Variants in MACF1 observed in about 807,000 individuals in gnomAD.
MACF1 encodes microtubule-actin cross-linking factor 1.
MACF1 carries 193 observed loss-of-function variants against 854.8 expected under a neutral mutation model. That is an observed-to-expected ratio of 0.23 (90% CI 0.20 to 0.25). The LOEUF is 0.25. Ranked by LOEUF, MACF1 falls within the 10% of genes least tolerant of loss-of-function variation. The pLI is 1.00. For missense variants in MACF1, 7,722 were observed against 8,929.1 expected (o/e 0.86, Z 5.45); for synonymous variants, 3,185 against 3,226.7 (o/e 0.99, Z 0.44).
At position 39,388,569 on chromosome 1, in the gene MACF1, G is replaced by A. The variant is rs757714517; in HGVS notation, c.15727G>A (p.Ala5243Thr). The A allele has an allele frequency of 1.9e-5, 30 of 1,613,976 alleles. No individual in the cohort carries two copies. The South Asian group carries it at 2.2e-4, about 12-fold the overall frequency. Residue 5243 changes from alanine to threonine, a missense_variant, in exon 58 of 101, where the codon GCG becomes ACG. Ala to Thr is a moderately conservative substitution (Grantham distance 58). Around this residue, in one of 15 missense-constraint regions of MACF1, gnomAD observed 2,807 missense variants for 3,235.8 expected, o/e 0.87. Transcript: ENST00000564288. The stretch of plus-strand genomic sequence containing the variant: ...CAGGAAATTGAAAGGACTCAATGAC[G>A]CGACCACAGCAGCAGAGGAGGCAGA... ...FYRKLKGLND[A>T]TTAAEEAEAL...
intron 2 of MACF1, among the ~76,000 whole-genome samples, chr1:39,175,548 T>C (rs1209826146): frequency 6.6e-6 from 1 of 152,226 alleles, no homozygotes; most frequent in African/African-American, 2.4e-5. Context: ...ACTTTTGTAC[T>C]GTTTATTTTT....
chr1:39,366,735 T>C (rs598415), intron 49 of MACF1, among the ~76,000 whole-genome samples: 51,131 of 148,460 alleles, frequency 0.34, 9,370 homozygotes, highest in African/African-American at 0.47. Flanking sequence ...TGCTCTGTTA[T>C]CCAGGCTGGA....
chr1:39,411,113 G>A (rs760624056), intron 58 of MACF1: 1 of 1,613,544 alleles, frequency 6.2e-7, no homozygotes, highest in Non-Finnish European at 8.5e-7. Context: ...GACACAGCCT[G>A]CACTGTGGAA....
intron 22 of MACF1, 102 bp downstream of exon 22, chr1:39,300,464 TTTA>T: frequency 8.0e-7 from 1 of 1,246,632 alleles, no homozygotes; most frequent in African/African-American, 1.6e-5. Context: ...TTACAGCGTT[TTTA>T]AAATTAGAAT....
At chr1:39,303,583 G>A (rs1016053011) in intron 23 of MACF1, among the ~76,000 whole-genome samples, 1 of 151,570 alleles carries the variant, frequency 6.6e-6, no homozygotes, top group Admixed American at 6.6e-5. Context: ...TGGGCACAGT[G>A]GCTCATGTCT....
rs867673135 is a variant in MACF1, at chr1:39,336,613, G to T, written c.10025G>T (p.Gly3342Val). The T allele has an allele frequency of 9.3e-6, 15 of 1,613,252 alleles. No homozygotes were observed. Among genetic ancestry groups the T allele is most frequent in the Non-Finnish European group, 1.2e-5 (14 of 1,179,888 alleles). Residue 3342 changes from glycine to valine, a missense_variant, in exon 37 of 101, where the codon GGA becomes GTA. By Grantham distance (109) the Gly-to-Val change is moderately radical (BLOSUM62 -3). Around this residue, in one of 15 missense-constraint regions of MACF1, gnomAD observed 854 missense variants for 852.6 expected, o/e 1.00. Transcript: ENST00000564288. ...TTCATGACTGCACCTGAAGGAAAGG[G>T]AAATGGAGGTGTAAACCCAGAGCCC... is the stretch of plus-strand genomic sequence containing the variant. ...TPFMTAPEGKGNGGVNPEPFR... is the reference protein window; with the variant it reads ...TPFMTAPEGKVNGGVNPEPFR...
intron 58 of MACF1, among the ~76,000 whole-genome samples, chr1:39,394,258 G>T (rs142857045): frequency 0.012 from 1,734 of 148,912 alleles, 10 homozygotes; most frequent in Middle Eastern, 0.024. Flanking sequence ...TTGATTGATT[G>T]ATTGATTGAT....
chr1:39,107,411 G>A (rs1260042517), intron 2 of MACF1, among the ~76,000 whole-genome samples: 3 of 151,928 alleles, frequency 2.0e-5, no homozygotes, highest in Admixed American at 6.6e-5. Context: ...ATCCTTCCCA[G>A]ACACAGGTCT....
intron 58 of MACF1, among the ~76,000 whole-genome samples, chr1:39,394,656 G>A (rs1380084165): frequency 6.6e-6 from 1 of 152,042 alleles, no homozygotes; most frequent in Non-Finnish European, 1.5e-5. Context: ...TGGAAGACAG[G>A]GCCCAGCATG....
chr1:39,469,471 C>CAA, intron 96 of MACF1, 76 bp from the exon 97 acceptor site: 1 of 1,117,858 alleles, frequency 8.9e-7, no homozygotes, highest in South Asian at 1.3e-5. Context: ...CACTGTCTGC[C>CAA]AATTTGTCTT....
chr1:39,182,522 C>A (rs1396418905), intron 2 of MACF1, among the ~76,000 whole-genome samples: 1 of 151,746 alleles, frequency 6.6e-6, no homozygotes, highest in East Asian at 1.9e-4. Context: ...AAAAAGAAAA[C>A]CCAATAAAAA....
chr1:39,408,535 C>T (rs954184396), intron 58 of MACF1, among the ~76,000 whole-genome samples: 2 of 152,046 alleles, frequency 1.3e-5, no homozygotes. Flanking sequence ...CACGGGAACT[C>T]GAGTGGCCGT....
In MACF1 at chr1:39,385,863, A is replaced by C. The variant is rs1212092430; in HGVS notation, c.14278A>C (p.Lys4760Gln). ...LSVLIGEQYL[K>Q]DELKKRLETV... is the part of the protein sequence containing the mutation. ...AGTGCTCATTGGTGAGCAGTACCTC[A>C]AGGATGAACTGAAGAAGCGTTTGGA... Residue 4760 changes from lysine to glutamine, a missense_variant, in exon 57 of 101, where the codon AAG (lysine) becomes CAG (glutamine). Lys to Gln is a moderately conservative substitution (Grantham distance 53, BLOSUM62 1). Around this residue, in one of 15 missense-constraint regions of MACF1, gnomAD observed 2,807 missense variants for 3,235.8 expected, o/e 0.87. Transcript: ENST00000564288. The C allele has an allele frequency of 3.1e-6, 5 of 1,614,112 alleles. No homozygotes were observed. Among genetic ancestry groups the C allele is most frequent in the Non-Finnish European group, 4.2e-6 (5 of 1,179,982 alleles).
chr1:39,219,656 G>A (rs1024895990), intron 1 of MACF1, among the ~76,000 whole-genome samples: 1 of 152,176 alleles, frequency 6.6e-6, no homozygotes, highest in Non-Finnish European at 1.5e-5. Context: ...AACATTAAGT[G>A]GTTCAAAATC....
chr1:39,137,789 T>G (rs1357203163), intron 2 of MACF1, among the ~76,000 whole-genome samples: 1 of 152,168 alleles, frequency 6.6e-6, no homozygotes, highest in African/African-American at 2.4e-5. Flanking sequence ...AAAATTTGTC[T>G]GAGGCCAGGC....
chr1:39,411,978 A>G (rs1352420419), intron 58 of MACF1: 3 of 1,613,968 alleles, frequency 1.9e-6, no homozygotes, highest in East Asian at 2.2e-5. Context: ...GCAAGGAGGA[A>G]TGTGAAAAAG....
chr1:39,177,998 G>A (rs1466955302), intron 2 of MACF1, among the ~76,000 whole-genome samples: 2 of 151,886 alleles, frequency 1.3e-5, no homozygotes, highest in East Asian at 3.9e-4. Context: ...TCACCGAGAG[G>A]GGGATTTCCG....
intron 93 of MACF1, among the ~76,000 whole-genome samples, chr1:39,462,679 C>T (rs1490622121): frequency 6.6e-6 from 1 of 152,104 alleles, no homozygotes; most frequent in Admixed American, 6.5e-5. Context: ...CATGCCACTA[C>T]ACTCCAGCCT....
At chr1:39,145,995 A>G (rs533048017) in intron 2 of MACF1, among the ~76,000 whole-genome samples, 2 of 152,358 alleles carry the variant, frequency 1.3e-5, no homozygotes, top group Admixed American at 6.5e-5. Context: ...TAGAGCTACC[A>G]TACAGTCCAG....
Sources: gnomAD v4.1 joint callset for allele counts (sites outside exome capture counted in the v4.1 genomes callset) on GRCh38, gnomAD v4.1.1 for gene constraint, gnomAD v4.1.1 regional missense constraint, MANE v1.5 for transcripts, NCBI Gene and HGNC (gene_info 2026-07-23, HGNC 2026-07-21) for gene names.